COL14A1: variants seen among roughly 807,000 people sequenced by gnomAD.
The protein encoded by COL14A1 is collagen type XIV alpha 1 chain.
In COL14A1, 136 loss-of-function variants were observed where a neutral mutation model predicts 230.3. That is an observed-to-expected ratio of 0.59 (90% CI 0.51 to 0.68). The LOEUF is 0.68. Among genes scored for constraint, COL14A1 ranks in the 30% least tolerant of loss-of-function variants. COL14A1 has a pLI of 0.00. For missense variants in COL14A1, 1,976 were observed against 2,215.8 expected, an observed-to-expected ratio of 0.89 and a Z score of 2.17; for synonymous variants, 792 against 784.1, an observed-to-expected ratio of 1.01 and a Z score of -0.17.
chr8:120,349,101 G>A (rs28520829), intron 45 of COL14A1, among the ~76,000 whole-genome samples: 3,085 of 152,266 alleles, frequency 0.02, 108 homozygotes, highest in African/African-American at 0.068. Context: ...CAGGCTAACT[G>A]GGAGGCACCC....
chr8:120,253,117 G>A (rs1186501923), intron 22 of COL14A1, among the ~76,000 whole-genome samples: 1 of 152,052 alleles, frequency 6.6e-6, no homozygotes, highest in African/African-American at 2.4e-5. Flanking sequence ...GCCTTCCTTA[G>A]TTATACCACA....
At chr8:120,364,657 C>A (rs1029704326) in intron 45 of COL14A1, among the ~76,000 whole-genome samples, 1 of 151,962 alleles carries the variant, frequency 6.6e-6, no homozygotes, top group Admixed American at 6.6e-5. Flanking sequence ...TTAAGGTGGG[C>A]GGATCATTTG....
intron 26 of COL14A1, chr8:120,277,455 G>A (rs1192063163): frequency 1.3e-5 from 2 of 152,068 alleles, no homozygotes; most frequent in African/African-American, 4.8e-5. Flanking sequence ...AAAGTACTGA[G>A]AGACACATGC....
At chr8:120,349,310 G>A (rs538226761) in intron 45 of COL14A1, among the ~76,000 whole-genome samples, 6 of 148,592 alleles carry the variant, frequency 4.0e-5, no homozygotes, top group East Asian at 3.9e-4. Context: ...AAAACTGGAA[G>A]CTCTGAAAAT....
rs1378720515 is a variant in COL14A1, at chr8:120,250,663, C to T, written c.2649C>T (p.Thr883=). Residue 883 remains threonine (T), a synonymous_variant, in exon 22 of 48, where the codon ACC becomes ACT. Coordinates refer to ENST00000297848, the MANE Select transcript of COL14A1 (RefSeq NM_021110.4). ...LETFVGADIN[T]ILITNLLSGM... ...CGTTTGTGGGAGCTGACATTAACAC[C>T]ATCCTTATCACAAACCTCCTCAGCG... is the stretch of plus-strand genomic sequence containing the variant. 3 of 1,614,080 alleles carry T rather than the reference C, an allele frequency of 1.9e-6. No individual in the cohort carries two copies. The African/African-American group carries it at 4.0e-5, about 22-fold the overall frequency.
intron 13 of COL14A1, chr8:120,213,984 A>G (rs991990977): frequency 2.4e-6 from 1 of 409,640 alleles, no homozygotes; most frequent in Non-Finnish European, 4.8e-6. Flanking sequence ...CTTTATTGTC[A>G]AAGAATCAGT....
intron 23 of COL14A1, among the ~76,000 whole-genome samples, chr8:120,259,326 A>G (rs551105407): frequency 6.6e-6 from 1 of 152,284 alleles, no homozygotes; most frequent in African/African-American, 2.4e-5. Flanking sequence ...TTATAATTAT[A>G]CGTTTATAAT....
intron 6 of COL14A1, 115 bp downstream of exon 6, chr8:120,197,061 C>CA: frequency 1.1e-6 from 1 of 945,096 alleles, no homozygotes; most frequent in Non-Finnish European, 1.6e-6. Flanking sequence ...GCAGGATACT[C>CA]ATGGTCCCCT....
intron 34 of COL14A1, among the ~76,000 whole-genome samples, chr8:120,296,417 TA>T (rs1820533121): frequency 6.6e-6 from 1 of 151,934 alleles, no homozygotes; most frequent in Non-Finnish European, 1.5e-5. Context: ...CATGCATTTT[TA>T]ATAACATGTT....
At chr8:120,365,430 G>A (rs1823377144) in intron 45 of COL14A1, among the ~76,000 whole-genome samples, 1 of 152,144 alleles carries the variant, frequency 6.6e-6, no homozygotes, top group Non-Finnish European at 1.5e-5. Context: ...TTGGCAAAGT[G>A]ACTCCAGTTC....
chr8:120,150,346 A>C (rs1429912854), intron 2 of COL14A1, among the ~76,000 whole-genome samples: 4 of 152,206 alleles, frequency 2.6e-5, no homozygotes, highest in Non-Finnish European at 4.4e-5. Context: ...AAAATATACT[A>C]AATTGTCCAT....
At position 120,285,883 on chromosome 8, in the gene COL14A1, T is replaced by C; in HGVS notation, c.3990T>C (p.Tyr1330=). 1 of 1,605,800 alleles carries C rather than the reference T, an allele frequency of 6.2e-7. No individual in the cohort carries two copies. The highest frequency in any genetic ancestry group is 8.5e-7 in the Non-Finnish European group (1 of 1,174,804). The change falls in exon 33 of 48, where the codon TAT becomes TAC. Residue 1330 remains tyrosine, a synonymous_variant. Coordinates refer to ENST00000297848, the MANE Select transcript of COL14A1 (RefSeq NM_021110.4). ...TAGATGGTGGGAAAACTCTAACATA[T>C]TTCAACTATGACCAGAGTGGGGATT... ...ILDNGGKTLT[Y]FNYDQSGDFQ... is the part of the protein sequence containing the mutation.
At chr8:120,138,926 T>C (rs565322983) in intron 1 of COL14A1, among the ~76,000 whole-genome samples, 4 of 152,338 alleles carry the variant, frequency 2.6e-5, no homozygotes, top group Admixed American at 1.3e-4. Flanking sequence ...TGAACATATA[T>C]ATAAAATGTG....
intron 33 of COL14A1, among the ~76,000 whole-genome samples, chr8:120,286,277 G>A (rs1006934732): frequency 2.0e-5 from 3 of 152,076 alleles, no homozygotes; most frequent in African/African-American, 7.2e-5. Flanking sequence ...GCTACATTAG[G>A]TGCGATGTAG....
intron 5 of COL14A1, among the ~76,000 whole-genome samples, chr8:120,188,451 C>A (rs1198128328): frequency 6.6e-6 from 1 of 152,154 alleles, no homozygotes; most frequent in Non-Finnish European, 1.5e-5. Flanking sequence ...GTTCTTCCAA[C>A]TCTTCTCATC....
At chr8:120,332,603 G>C in intron 41 of COL14A1, 61 bp from the exon 42 acceptor site, 1 of 1,394,350 alleles carries the variant, frequency 7.2e-7, no homozygotes. Context: ...TTAAAAGTTG[G>C]CTGTCATTGA....
intron 45 of COL14A1, among the ~76,000 whole-genome samples, chr8:120,355,979 A>G (rs532825146): frequency 1.3e-5 from 2 of 152,320 alleles, no homozygotes; most frequent in East Asian, 1.9e-4. Context: ...TTAGGCTCCA[A>G]TTGCATCTGC....
intron 45 of COL14A1, among the ~76,000 whole-genome samples, chr8:120,348,798 A>C (rs556077500): frequency 5.7e-4 from 87 of 152,340 alleles, no homozygotes; most frequent in African/African-American, 2.1e-3. Context: ...TACACAGTAA[A>C]AAATACATTT....
intron 5 of COL14A1, among the ~76,000 whole-genome samples, chr8:120,181,866 T>G (rs1281037793): frequency 6.6e-6 from 1 of 152,008 alleles, no homozygotes. Context: ...GCAGGAGAAT[T>G]GCTTGAACCC....
Sources: allele counts gnomAD v4.1 joint callset (sites outside exome capture counted in the v4.1 genomes callset), GRCh38; gene constraint gnomAD v4.1.1; transcripts MANE v1.5; gene names NCBI Gene and HGNC (gene_info 2026-07-23, HGNC 2026-07-21).